PPP2R3A: variants seen among roughly 807,000 people sequenced by gnomAD.
The protein encoded by PPP2R3A is protein phosphatase 2 regulatory subunit B''alpha.
In PPP2R3A, 80 loss-of-function variants were observed where a neutral mutation model predicts 106.9. The ratio of observed to expected loss-of-function variants is 0.75; its 90% CI spans 0.62 to 0.90. The LOEUF is 0.90. Among genes scored for constraint, PPP2R3A ranks in the 40% least tolerant of loss-of-function variants. The probability of loss-of-function intolerance (pLI) is 0.00; values close to 1 mark genes in which losing one functional copy is unlikely to be tolerated. For synonymous variants in PPP2R3A, 483 were observed against 468.3 expected (o/e 1.03, Z -0.41); for missense variants, 1,386 against 1,350.4 (o/e 1.03, Z -0.41).
At chr3:136,061,535 G>A (rs1168336803) in intron 5 of PPP2R3A, among the ~76,000 whole-genome samples, 2 of 152,292 alleles carry the variant, frequency 1.3e-5, no homozygotes, top group East Asian at 3.9e-4. Flanking sequence ...GGCTGAGGCA[G>A]AAGAATTGCT....
intron 13 of PPP2R3A, among the ~76,000 whole-genome samples, chr3:136,141,588 A>T (rs920992316): frequency 1.3e-5 from 2 of 152,236 alleles, no homozygotes; most frequent in African/African-American, 4.8e-5. Context: ...AGATGTGGTT[A>T]ATTAATTCAG....
At chr3:136,074,902 T>A (rs749039791) in intron 6 of PPP2R3A, among the ~76,000 whole-genome samples, 31 of 152,232 alleles carry the variant, frequency 2.0e-4, no homozygotes, top group Non-Finnish European at 4.0e-4. Context: ...TTTAAAGTCC[T>A]AACTCTACAG....
At chr3:135,986,726 G>A (rs1352725960) in intron 1 of PPP2R3A, among the ~76,000 whole-genome samples, 1 of 152,050 alleles carries the variant, frequency 6.6e-6, no homozygotes, top group Non-Finnish European at 1.5e-5. Context: ...TTTCCTGTTA[G>A]TGTGAAAGAA....
At chr3:136,028,722 G>T (rs1023732617) in intron 3 of PPP2R3A, among the ~76,000 whole-genome samples, 1 of 152,210 alleles carries the variant, frequency 6.6e-6, no homozygotes, top group Admixed American at 6.5e-5. Context: ...TTCTGAATGG[G>T]CTGGAACTAT....
intron 6 of PPP2R3A, among the ~76,000 whole-genome samples, chr3:136,077,010 T>G (rs1333329255): frequency 6.6e-6 from 1 of 150,792 alleles, no homozygotes; most frequent in East Asian, 1.9e-4. Context: ...AAAGACCTGG[T>G]CTCTTAGTGT....
Position 136,145,341 on chromosome 3 carries a change from GCTC to G in PPP2R3A, c.*180_*182del, listed in dbSNP as rs1439846715. ...TCTGGATACACATTTAACTTAGGAG[GCTC>G]CTCCAATTTGCCTCAAACCTCTTAC... On this transcript the variant is annotated 3_prime_UTR_variant, in exon 14 of 14. Transcript: ENST00000264977. 2 of 781,482 alleles carry G rather than the reference GCTC, an allele frequency of 2.6e-6. No homozygotes were observed. Among genetic ancestry groups the G allele is most frequent in the Non-Finnish European group, 3.6e-6 (2 of 551,402 alleles). 48.4% of individuals were successfully genotyped at this position (781,482 alleles called of 1,614,324 possible).
At chr3:135,990,515 C>T (rs973216348) in intron 1 of PPP2R3A, among the ~76,000 whole-genome samples, 6 of 152,204 alleles carry the variant, frequency 3.9e-5, no homozygotes, top group African/African-American at 1.4e-4. Context: ...ATGCCCTGAA[C>T]ATTTGGAGTA....
chr3:135,999,913 A>T (rs1028318754), intron 1 of PPP2R3A, among the ~76,000 whole-genome samples: 1 of 152,080 alleles, frequency 6.6e-6, no homozygotes, highest in African/African-American at 2.4e-5. Flanking sequence ...AGCTGGGACT[A>T]CAGGCCATGT....
At chr3:136,011,127 C>T (rs1370860475) in intron 2 of PPP2R3A, among the ~76,000 whole-genome samples, 7 of 152,226 alleles carry the variant, frequency 4.6e-5, no homozygotes, top group Admixed American at 3.9e-4. Context: ...TCACCACATC[C>T]GTCTTTGTAA....
intron 13 of PPP2R3A, among the ~76,000 whole-genome samples, chr3:136,116,838 A>T (rs1937782383): frequency 6.6e-6 from 1 of 152,170 alleles, no homozygotes; most frequent in Admixed American, 6.5e-5. Context: ...ACAAGACCAA[A>T]AATTAACAAG....
At chr3:136,107,431 CTTTTT>C (rs11324496) in intron 13 of PPP2R3A, among the ~76,000 whole-genome samples, 3 of 71,422 alleles carry the variant, frequency 4.2e-5, no homozygotes, top group Non-Finnish European at 5.1e-5. Flanking sequence ...TACATGAATT[CTTTTT>C]TTTTTTTTTT....
At chr3:136,116,472 T>C (rs1264666647) in intron 13 of PPP2R3A, among the ~76,000 whole-genome samples, 36 of 152,142 alleles carry the variant, frequency 2.4e-4, no homozygotes, top group African/African-American at 8.4e-4. Flanking sequence ...CAAGACCCAT[T>C]GGTATGCTGT....
At chr3:136,087,679 C>G in intron 8 of PPP2R3A, 1 of 471,212 alleles carries the variant, frequency 2.1e-6, no homozygotes, top group African/African-American at 2.0e-5. Flanking sequence ...ATTAATACTT[C>G]CCAGATGTCA....
chr3:136,086,723 G>T (rs1408475130), intron 8 of PPP2R3A, among the ~76,000 whole-genome samples: 1 of 151,946 alleles, frequency 6.6e-6, no homozygotes, highest in Non-Finnish European at 1.5e-5. Context: ...ATAAGCTTTG[G>T]TGTGTGGCCA....
At chr3:136,035,328 G>A (rs1935049335) in intron 3 of PPP2R3A, among the ~76,000 whole-genome samples, 1 of 152,098 alleles carries the variant, frequency 6.6e-6, no homozygotes, top group Non-Finnish European at 1.5e-5. Flanking sequence ...TAGGTCCTGT[G>A]GGATTTATGC....
chr3:135,977,282 TTTTAGAATTAGATTATAAA>T (rs1937443182), intron 1 of PPP2R3A, among the ~76,000 whole-genome samples: 2 of 152,194 alleles, frequency 1.3e-5, no homozygotes, highest in South Asian at 4.1e-4. Flanking sequence ...TGATGTGAAA[TTTTAGAATTAGATTATAAA>T]TTGCTCTTAG....
intron 13 of PPP2R3A, among the ~76,000 whole-genome samples, chr3:136,143,777 C>T (rs1037920286): frequency 4.6e-5 from 7 of 152,116 alleles, no homozygotes; most frequent in African/African-American, 7.2e-5. Context: ...GGCGACACAG[C>T]GAGACTCCAT....
chr3:136,122,815 A>G lies in PPP2R3A; in HGVS notation c.3329+16493A>G, dbSNP rs116559713. On this transcript the variant is annotated intron_variant, in intron 13 of 13. Coordinates refer to ENST00000264977, the MANE Select transcript of PPP2R3A (RefSeq NM_002718.5). ...GTCAAATCTCTCAATGTATAAAAGAATACATCAGAAGTAAATGGGTGTTAT... is the reference window on the plus strand; with the variant it reads ...GTCAAATCTCTCAATGTATAAAAGAGTACATCAGAAGTAAATGGGTGTTAT... 7.2e-3 allele frequency among the ~76,000 whole-genome samples: 1,092 copies of G among 152,330 alleles called. 21 individuals are homozygous for G. Among genetic ancestry groups the G allele is most frequent in the African/African-American group, 0.024 (999 of 41,576 alleles).
In PPP2R3A at chr3:136,082,253, A is replaced by C. The variant is rs766179861; in HGVS notation, c.2632-12A>C. 16 of 1,560,852 alleles carry C rather than the reference A, an allele frequency of 1.0e-5. No homozygotes were observed. Among genetic ancestry groups the C allele is most frequent in the Admixed American group, 1.7e-5 (1 of 58,344 alleles). On this transcript the variant is annotated splice_polypyrimidine_tract_variant and intron_variant, in intron 7 of 13. Coordinates refer to ENST00000264977, the MANE Select transcript of PPP2R3A (RefSeq NM_002718.5). ...TCATAATGTTTAAATTCTTCTTTTC[A>C]TATAATTTCAGACCCTAGCACTTTT... is the stretch of plus-strand genomic sequence containing the variant.
Sources: allele counts gnomAD v4.1 joint callset (sites outside exome capture counted in the v4.1 genomes callset), GRCh38; gene constraint gnomAD v4.1.1; transcripts MANE v1.5; gene names NCBI Gene and HGNC (gene_info 2026-07-23, HGNC 2026-07-21).